IFT140: variants seen among roughly 807,000 people sequenced by gnomAD.
The protein encoded by IFT140 is intraflagellar transport 140, also known as intraflagellar transport protein 140 homolog.
A neutral mutation model predicts 164.6 loss-of-function variants in IFT140; 133 were observed. The ratio of observed to expected loss-of-function variants is 0.81; its 90% confidence interval spans 0.70 to 0.93. IFT140 has a LOEUF of 0.93. Among genes scored for constraint, IFT140 ranks in the 40% least tolerant of loss-of-function variants. IFT140 has a pLI of 0.00. For synonymous variants in IFT140, 860 were observed against 817.3 expected, an observed-to-expected ratio of 1.05 and a Z score of -0.89; for missense variants, 2,045 against 1,972.3, an observed-to-expected ratio of 1.04 and a Z score of -0.70.
At chr16:1,607,936 C>T (rs577704393) in intron 2 of IFT140, among the ~76,000 whole-genome samples, 1 of 152,230 alleles carries the variant, frequency 6.6e-6, no homozygotes, top group African/African-American at 2.4e-5. Flanking sequence ...TGGGCCACCA[C>T]TGCCTTTTAA....
chr16:1,598,089 G>C (rs985766684), intron 4 of IFT140, among the ~76,000 whole-genome samples: 1 of 151,964 alleles, frequency 6.6e-6, no homozygotes, highest in Admixed American at 6.6e-5. Flanking sequence ...GAATTAAACA[G>C]AAAAATGGAA....
rs144113302 is a variant in IFT140 at position 1,558,904 on chromosome 16, G to A, written c.2200-770C>T. Reference sequence around the variant, plus strand: ...TCCAGCCACCTGCCTCCCCAGCTGCGCTCCCATCAGCTCACTGCTCCTGCA... The same window carrying A: ...TCCAGCCACCTGCCTCCCCAGCTGCACTCCCATCAGCTCACTGCTCCTGCA... On this transcript the variant is annotated intron_variant, in intron 18 of 30. Transcript: ENST00000426508. Among the ~76,000 whole-genome samples the A allele has an allele frequency of 4.7e-4, 72 of 152,310 alleles. 1 individual carries two copies. The East Asian group carries it at 0.011, about 23-fold the overall frequency.
chr16:1,568,454 T>C, intron 14 of IFT140, 120 bp from the exon 15 acceptor site: 3 of 799,118 alleles, frequency 3.8e-6, no homozygotes, highest in South Asian at 1.7e-5. Flanking sequence ...CTTCTCACCC[T>C]GGGTGGCGCG....
At position 1,589,492 on chromosome 16, in the gene IFT140, T is replaced by C. The variant is rs2035063905; in HGVS notation, c.810+113A>G. On this transcript the variant is annotated intron_variant, in intron 7 of 30. Coordinates refer to ENST00000426508, the MANE Select transcript of IFT140 (RefSeq NM_014714.4). ...AGCTACGTTAGCCGCCCTAACTCAG[T>C]TGATAGGCTTTTTTTCAGTCTTGCT... The C allele has an allele frequency of 4.6e-6, 5 of 1,082,528 alleles. 1 individual carries two copies. The African/African-American group carries it at 4.7e-5, about 10-fold the overall frequency. The allele number at this position is 1,082,528 out of a possible 1,614,324, so 67.1% of individuals were successfully genotyped here. A position where few individuals can be genotyped will look rare whatever the true frequency, so the allele number is the denominator to read the frequency against.
At chr16:1,587,907 G>C (rs1288579209) in intron 8 of IFT140, 26 bp downstream of exon 8, 3 of 1,571,466 alleles carry the variant, frequency 1.9e-6, no homozygotes, top group East Asian at 2.3e-5. Context: ...CTCTCATCAA[G>C]GGGCACTGGA....
intron 4 of IFT140, chr16:1,602,118 G>C: frequency 1.9e-6 from 1 of 514,180 alleles, no homozygotes; most frequent in Non-Finnish European, 3.5e-6. Context: ...AAAAGTGACA[G>C]TATCTGGGCA....
In IFT140 at chr16:1,566,253, AT is replaced by A; in HGVS notation, c.1808del (p.Asp603ValfsTer7). ...AGACGGTCACTGTGTCCATTTCAACATCGTAGAAGCAGATTTTGGAATCAGG... is the reference window on the plus strand; with the variant it reads ...AGACGGTCACTGTGTCCATTTCAACACGTAGAAGCAGATTTTGGAATCAGG... Reference protein sequence around the residue: ...NSPDSKICFYDVEMDTVTVFD... With the variant: ...NSPDSKICFYXVEMDTVTVFD... On this transcript the variant is annotated frameshift_variant, in exon 16 of 31. Transcript: ENST00000426508. LOFTEE classifies it high-confidence loss of function. 1.2e-6 allele frequency: 2 copies of A among 1,613,834 alleles called. No homozygotes were observed. The highest frequency in any genetic ancestry group is 8.5e-7 in the Non-Finnish European group (1 of 1,179,766).
intron 19 of IFT140, 145 bp from the exon 20 acceptor site, chr16:1,526,941 C>T (rs2040720616): frequency 1.2e-6 from 1 of 845,828 alleles, no homozygotes; most frequent in Non-Finnish European, 1.8e-6. Context: ...GGCTCCGCCC[C>T]TGGGCAAGAC....
intron 13 of IFT140, 56 bp downstream of exon 13, chr16:1,580,703 G>A (rs1596402021): frequency 8.6e-7 from 1 of 1,160,748 alleles, no homozygotes; most frequent in East Asian, 2.3e-5. Flanking sequence ...TGTCTCAATT[G>A]AGAGGCAGGA....
At chr16:1,535,690 A>G (rs1394008088) in intron 19 of IFT140, among the ~76,000 whole-genome samples, 1 of 152,246 alleles carries the variant, frequency 6.6e-6, no homozygotes, top group African/African-American at 2.4e-5. Context: ...GAGGCTTTGC[A>G]GAAGGCATGT....
At chr16:1,605,368 G>A (rs1272095538) in intron 3 of IFT140, among the ~76,000 whole-genome samples, 2 of 152,104 alleles carry the variant, frequency 1.3e-5, no homozygotes, top group Non-Finnish European at 2.9e-5. Context: ...AGCCTGCAGA[G>A]GGCTGAAGAG....
chr16:1,585,402 C>G lies in IFT140; in HGVS notation c.1155+728G>C, dbSNP rs139412934. Among the ~76,000 whole-genome samples the G allele has an allele frequency of 6.4e-3, 968 of 152,204 alleles. 3 individuals carry two copies. The highest frequency in any genetic ancestry group is 0.011 in the Non-Finnish European group (770 of 68,016). The stretch of plus-strand genomic sequence containing the variant: ...AGAGAGGAGGTAGATTAGTGGCTGC[C>G]AAGGGCTGGAGAGGGGAAAATAAGA... On this transcript the variant is annotated intron_variant, in intron 10 of 30. Transcript: ENST00000426508.
At position 1,569,287 on chromosome 16, in the gene IFT140, C is replaced by T. The variant is rs202101676; in HGVS notation, c.1653-953G>A. ...CCTCCCAAAGTGTTGGGATTACAGG[C>T]GTGAGCCACCGCGCTCGGCCGTGGA... On this transcript the variant is annotated intron_variant, in intron 14 of 30. Transcript: ENST00000426508. Among the ~76,000 whole-genome samples the T allele has an allele frequency of 9.2e-5, 14 of 152,280 alleles. No homozygotes were observed. The East Asian group carries it at 2.7e-3, about 29-fold the overall frequency.
At chr16:1,589,473 G>A (rs1430321864) in intron 7 of IFT140, 132 bp downstream of exon 7, 8 of 817,144 alleles carry the variant, frequency 9.8e-6, no homozygotes, top group Non-Finnish European at 1.6e-5. Context: ...CGCTAGCTAC[G>A]TTAGCCGCCC....
At chr16:1,528,311 ACACG>A (rs894528211) in intron 19 of IFT140, among the ~76,000 whole-genome samples, 4 of 133,148 alleles carry the variant, frequency 3.0e-5, no homozygotes, top group Non-Finnish European at 4.8e-5. Flanking sequence ...AGCCACACAC[ACACG>A]CACGCATGCA....
chr16:1,554,460 G>A (rs2032927049), intron 19 of IFT140, among the ~76,000 whole-genome samples: 1 of 152,200 alleles, frequency 6.6e-6, no homozygotes, highest in South Asian at 2.1e-4. Flanking sequence ...CCTGCCGCCT[G>A]GCCAGGTCCC....
chr16:1,571,293 TGTTA>T, intron 14 of IFT140, 110 bp downstream of exon 14: 1 of 920,768 alleles, frequency 1.1e-6, no homozygotes, highest in Non-Finnish European at 1.6e-6. Flanking sequence ...GGCATGTCGG[TGTTA>T]AAATGGGCAC....
chr16:1,526,132 A>C, intron 20 of IFT140, 55 bp from the exon 21 acceptor site: 92 of 1,478,128 alleles, frequency 6.2e-5, no homozygotes, highest in Non-Finnish European at 7.8e-5. Flanking sequence ...CACGTCTCAA[A>C]CACACTGTTC....
chr16:1,517,678 A>G (rs572210131), intron 30 of IFT140, among the ~76,000 whole-genome samples: 3 of 152,226 alleles, frequency 2.0e-5, no homozygotes, highest in East Asian at 1.9e-4. Context: ...ATGGAACACC[A>G]TTTTCTTTTT....
Sources: allele counts gnomAD v4.1 joint callset (sites outside exome capture counted in the v4.1 genomes callset), GRCh38; gene constraint gnomAD v4.1.1; transcripts MANE v1.5; gene names NCBI Gene and HGNC (gene_info 2026-07-23, HGNC 2026-07-21).